DSCAM: variants seen among roughly 807,000 people sequenced by gnomAD.
DSCAM encodes the protein cell adhesion molecule DSCAM.
In DSCAM, 47 loss-of-function variants were observed where a neutral mutation model predicts 217.7. The observed-to-expected ratio is 0.22, with a 90% CI of 0.17 to 0.28. The LOEUF (loss-of-function observed/expected upper bound fraction) is 0.28, where lower values mean the gene tolerates loss of function less well. Ranked by LOEUF, DSCAM falls within the 10% of genes least tolerant of loss-of-function variation. The pLI is 1.00. For synonymous variants in DSCAM, 1,056 were observed against 1,015.3 expected, an observed-to-expected ratio of 1.04 and a Z score of -0.76; for missense variants, 2,080 against 2,618.3, an observed-to-expected ratio of 0.79 and a Z score of 4.49.
intron 3 of DSCAM, among the ~76,000 whole-genome samples, chr21:40,386,510 C>A (rs1344254031): frequency 1.3e-5 from 2 of 152,192 alleles, no homozygotes; most frequent in Admixed American, 6.5e-5. Context: ...CTGGTCAGAC[C>A]GAGGCCCCGC....
rs907246222 is a variant in DSCAM at position 40,559,874 on chromosome 21, G to A, written c.508+132936C>T. On this transcript the variant is annotated intron_variant, in intron 3 of 32. Coordinates refer to ENST00000400454, the MANE Select transcript of DSCAM (RefSeq NM_001389.5). ...GTGGCGCGATCTCGGCTCACTGCAA[G>A]CTCCGCCTCCCGAGTTCACGCCATT... is the stretch of plus-strand genomic sequence containing the variant. Among the ~76,000 whole-genome samples, 8 of 146,142 alleles carry A rather than the reference G, an allele frequency of 5.5e-5. No individual in the cohort carries two copies. In the Admixed American group the frequency reaches 5.6e-4, roughly 10 times the overall value.
At chr21:40,507,054 A>T (rs750917359) in intron 3 of DSCAM, among the ~76,000 whole-genome samples, 13 of 152,286 alleles carry the variant, frequency 8.5e-5, no homozygotes, top group Non-Finnish European at 1.2e-4. Flanking sequence ...CGAGGCAGGC[A>T]GATCGCAAGG....
intron 8 of DSCAM, among the ~76,000 whole-genome samples, chr21:40,313,051 A>T (rs1317968911): frequency 2.0e-5 from 3 of 151,346 alleles, no homozygotes; most frequent in Admixed American, 6.6e-5. Flanking sequence ...CAGGAGTTCG[A>T]GGCTGCAGTA....
intron 3 of DSCAM, among the ~76,000 whole-genome samples, chr21:40,646,109 A>C (rs1215969377): frequency 6.6e-6 from 1 of 152,186 alleles, no homozygotes; most frequent in African/African-American, 2.4e-5. Context: ...GGTGGAACAT[A>C]AGGCCTAGAA....
intron 1 of DSCAM, among the ~76,000 whole-genome samples, chr21:40,817,147 G>A (rs984229093): frequency 6.6e-6 from 1 of 151,872 alleles, no homozygotes; most frequent in African/African-American, 2.4e-5. Context: ...GCAATTTCAG[G>A]TTTAATTAGG....
At chr21:40,417,438 C>G (rs2075382646) in intron 3 of DSCAM, among the ~76,000 whole-genome samples, 1 of 152,040 alleles carries the variant, frequency 6.6e-6, no homozygotes, top group African/African-American at 2.4e-5. Flanking sequence ...AAAGATCTTG[C>G]AAATTGATGG....
At chr21:40,398,633 C>A (rs956780059) in intron 3 of DSCAM, among the ~76,000 whole-genome samples, 3 of 127,870 alleles carry the variant, frequency 2.3e-5, no homozygotes, top group Non-Finnish European at 5.2e-5. Context: ...TTTCTTTTTT[C>A]TTTCTTTTTT....
chr21:40,372,163 G>A (rs1269851946), intron 3 of DSCAM, among the ~76,000 whole-genome samples: 1 of 152,138 alleles, frequency 6.6e-6, no homozygotes, highest in Non-Finnish European at 1.5e-5. Flanking sequence ...TGGTAACAAG[G>A]AATCATTTTA....
At chr21:40,399,445 C>T (rs1378716280) in intron 3 of DSCAM, among the ~76,000 whole-genome samples, 1 of 152,130 alleles carries the variant, frequency 6.6e-6, no homozygotes, top group Non-Finnish European at 1.5e-5. Context: ...TTAGGAAATC[C>T]ACCTACTTAA....
intron 11 of DSCAM, among the ~76,000 whole-genome samples, chr21:40,219,483 A>C (rs1022480096): frequency 2.6e-5 from 4 of 152,240 alleles, no homozygotes; most frequent in African/African-American, 7.2e-5. Flanking sequence ...CAGTCACTTC[A>C]TTAAGCTATT....
intron 10 of DSCAM, among the ~76,000 whole-genome samples, chr21:40,295,078 T>C (rs547026852): frequency 3.0e-4 from 45 of 152,084 alleles, no homozygotes; most frequent in African/African-American, 1.0e-3. Flanking sequence ...AAATGCAACA[T>C]GCTATTTTAA....
At chr21:40,403,629 G>GCACA (rs3069908) in intron 3 of DSCAM, among the ~76,000 whole-genome samples, 8,704 of 145,810 alleles carry the variant, frequency 0.06, 299 homozygotes, top group African/African-American at 0.087. Context: ...GCATGCATGT[G>GCACA]CACACACACA....
At chr21:40,176,519 G>A (rs1384044917) in intron 15 of DSCAM, among the ~76,000 whole-genome samples, 1 of 152,170 alleles carries the variant, frequency 6.6e-6, no homozygotes, top group East Asian at 1.9e-4. Flanking sequence ...TACAGCCCCT[G>A]CTCAATACTC....
At position 40,339,340 on chromosome 21, in the gene DSCAM, T is replaced by G; in HGVS notation, c.1286A>C (p.Asn429Thr). The G allele has an allele frequency of 6.2e-7, 1 of 1,614,090 alleles. No individual in the cohort carries two copies. Among genetic ancestry groups the G allele is most frequent in the Non-Finnish European group, 8.5e-7 (1 of 1,180,026 alleles). Residue 429 changes from asparagine (N) to threonine (T), a missense_variant, in exon 7 of 33, where the codon AAC (asparagine) becomes ACC (threonine). Coordinates refer to ENST00000400454, the MANE Select transcript of DSCAM (RefSeq NM_001389.5). The part of the protein sequence containing the change: ...SPAEPVSLMC[N>T]VKGTPLPTIT... ...CGTGGGCAAAGGTGTTCCCTTCACG[T>G]TGCACATAAGGGAAACCGGCTCTGC...
chr21:40,412,120 T>C (rs534178616), intron 3 of DSCAM, among the ~76,000 whole-genome samples: 1 of 152,342 alleles, frequency 6.6e-6, no homozygotes, highest in Middle Eastern at 3.4e-3. Flanking sequence ...TCTGCCATGA[T>C]TTTGAGGCTC....
Position 40,179,010 on chromosome 21 carries a change from G to A in DSCAM, c.2864C>T (p.Thr955Ile), listed in dbSNP as rs748911649. 3.7e-6 allele frequency: 6 copies of A among 1,613,964 alleles called. No homozygotes were observed. The highest frequency in any genetic ancestry group is 2.2e-5 in the South Asian group (2 of 91,082). Residue 955 changes from threonine (T) to isoleucine (I), a missense_variant, in exon 15 of 33, where the codon ACC (threonine) becomes ATC (isoleucine). By Grantham distance (89) the Thr-to-Ile change is moderately conservative (BLOSUM62 -1). Transcript: ENST00000400454. ...CTTGGCGTACATGCGGATGCTGTAGGTGGAGGAAGGGTGGATATCAATGAT... is the reference window on the plus strand; with the variant it reads ...CTTGGCGTACATGCGGATGCTGTAGATGGAGGAAGGGTGGATATCAATGAT... ...ATIIDIHPSSTYSIRMYAKNR... is the reference protein window; with the variant it reads ...ATIIDIHPSSIYSIRMYAKNR...
intron 1 of DSCAM, among the ~76,000 whole-genome samples, chr21:40,758,014 A>T (rs1352964831): frequency 6.6e-6 from 1 of 152,182 alleles, no homozygotes; most frequent in Non-Finnish European, 1.5e-5. Flanking sequence ...TCTCTAATTC[A>T]ATGACTGGTT....
chr21:40,516,007 G>A (rs2076296419), intron 3 of DSCAM, among the ~76,000 whole-genome samples: 1 of 151,816 alleles, frequency 6.6e-6, no homozygotes, highest in Non-Finnish European at 1.5e-5. Flanking sequence ...TTCTGCATGT[G>A]TGCCACTAAT....
chr21:40,609,305 GT>G (rs2089282500), intron 3 of DSCAM, among the ~76,000 whole-genome samples: 1 of 152,148 alleles, frequency 6.6e-6, no homozygotes. Flanking sequence ...CCCCAGATGG[GT>G]TTAGAAAGAG....
Sources: gnomAD v4.1 joint callset for allele counts (sites outside exome capture counted in the v4.1 genomes callset) on GRCh38, gnomAD v4.1.1 for gene constraint, MANE v1.5 for transcripts, NCBI Gene and HGNC (gene_info 2026-07-23, HGNC 2026-07-21) for gene names.